Variants in AMY2B observed in about 807,000 individuals in gnomAD.
AMY2B encodes alpha-amylase 2B.
Under a neutral mutation model 59.3 loss-of-function variants are expected in AMY2B, and 63 were observed. That is an observed-to-expected ratio of 1.06 (90% CI 0.87 to 1.31). AMY2B has a LOEUF of 1.31. Among genes scored for constraint, AMY2B ranks in the 50% most tolerant of loss-of-function variants. The pLI, the probability that AMY2B is intolerant of heterozygous loss-of-function variation, is 0.00. For missense variants in AMY2B, 635 were observed against 626.7 expected (o/e 1.01, Z -0.14); for synonymous variants, 180 against 198.1 (o/e 0.91, Z 0.77).
chr1:103,562,766 A>C (rs945578390), intron 1 of AMY2B, among the ~76,000 whole-genome samples: 2 of 151,614 alleles, frequency 1.3e-5, no homozygotes, highest in African/African-American at 4.8e-5. Context: ...GATAGGGGGA[A>C]AGAACTTGTA....
At chr1:103,569,786 T>C (rs536273798), upstream of AMY2B, 35 of 444,084 alleles carry the variant, frequency 7.9e-5, no homozygotes, top group South Asian at 6.4e-4. Context: ...CATGACCAAC[T>C]GGGATGACAT....
At chr1:103,575,734 A>G (rs1258759337) in intron 7 of AMY2B, 194 bp downstream of exon 7, 5 of 857,548 alleles carry the variant, frequency 5.8e-6, no homozygotes, top group Non-Finnish European at 8.5e-6. Context: ...AAGAGTATGC[A>G]AGCCTTTTCA....
chr1:103,566,992 A>G (rs1363666529), upstream of AMY2B, among the ~76,000 whole-genome samples: 2 of 152,214 alleles, frequency 1.3e-5, no homozygotes, highest in African/African-American at 4.8e-5. Context: ...AATACTAGAT[A>G]TGAAGTCTAA....
chr1:103,570,658 A>G (rs1652092127), upstream of AMY2B: 2 of 586,708 alleles, frequency 3.4e-6, no homozygotes, highest in South Asian at 2.8e-5. Context: ...TCCATCGTCC[A>G]CCGCAAATGC....
At chr1:103,557,386 C>T (rs1474945155) in intron 1 of AMY2B, among the ~76,000 whole-genome samples, 1 of 152,044 alleles carries the variant, frequency 6.6e-6, no homozygotes, top group Non-Finnish European at 1.5e-5. Flanking sequence ...TGCAGTGGCT[C>T]ACGGCTGTAA....
rs142643546 is a variant in AMY2B, at chr1:103,573,658, T to G, written c.514-50T>G. ...AAATGAATAATCAAATGGATTCTCA[T>G]GTGAAAAATGAGGTTTTATGAATCA... On this transcript the variant is annotated intron_variant, in intron 3 of 9. Coordinates refer to ENST00000684275, the MANE Select transcript of AMY2B (RefSeq NM_001387437.1). The G allele has an allele frequency of 1.6e-5, 25 of 1,607,626 alleles. No individual in the cohort carries two copies. The African/African-American group carries it at 1.9e-4, about 12-fold the overall frequency.
upstream of AMY2B, chr1:103,569,656 C>G: frequency 2.6e-6 from 1 of 387,722 alleles, no homozygotes; most frequent in Non-Finnish European, 5.2e-6. Context: ...CTTCCATCAT[C>G]GGTGCCCCCG....
At chr1:103,577,381 T>A in intron 7 of AMY2B, 109 bp from the exon 8 acceptor site, 19 of 1,576,248 alleles carry the variant, frequency 1.2e-5, no homozygotes, top group Non-Finnish European at 1.6e-5. Context: ...CTAGATAAAG[T>A]CATTGAATGC....
chr1:103,577,694 C>G, intron 8 of AMY2B, 26 bp from the exon 9 acceptor site: 1 of 1,611,746 alleles, frequency 6.2e-7, no homozygotes, highest in Non-Finnish European at 8.5e-7. Context: ...AGAATATCAA[C>G]GTTTTATATG....
intron 9 of AMY2B, among the ~76,000 whole-genome samples, chr1:103,578,819 T>TA (rs923451056): frequency 6.8e-5 from 10 of 147,012 alleles, no homozygotes; most frequent in African/African-American, 1.3e-4. Context: ...TAAAACCCTT[T>TA]AAAAATTTTT....
intron 1 of AMY2B, among the ~76,000 whole-genome samples, chr1:103,562,849 T>G (rs1310692600): frequency 6.6e-6 from 1 of 152,058 alleles, no homozygotes; most frequent in Admixed American, 6.6e-5. Flanking sequence ...TACTTTCTGC[T>G]TAACAATAGA....
intron 1 of AMY2B, among the ~76,000 whole-genome samples, chr1:103,558,412 G>C (rs1326140063): frequency 6.6e-5 from 10 of 152,044 alleles, no homozygotes. Flanking sequence ...ATTTCCATTA[G>C]GATGTAGAAA....
chr1:103,579,385 A>G lies in AMY2B; in HGVS notation c.1421A>G (p.Asn474Ser). 6.2e-7 allele frequency: 1 copy of G among 1,611,828 alleles called. No homozygotes were observed. The highest frequency in any genetic ancestry group is 2.3e-4 in the Middle Eastern group (1 of 4,426). The change falls in exon 10 of 10, where the codon AAT becomes AGT. Residue 474 changes from asparagine to serine, a missense_variant. Asn to Ser is a conservative substitution (Grantham distance 46). Transcript: ENST00000684275. ...YCDVISGDKINGNCTGIKIYV... is the reference protein window; with the variant it reads ...YCDVISGDKISGNCTGIKIYV... ...GATGTCATTTCTGGAGATAAAATTAATGGCAATTGCACAGGCATTAAAATC... is the reference window on the plus strand; with the variant it reads ...GATGTCATTTCTGGAGATAAAATTAGTGGCAATTGCACAGGCATTAAAATC...
chr1:103,571,849 T>C, intron 1 of AMY2B, 79 bp downstream of exon 1: 2 of 1,610,870 alleles, frequency 1.2e-6, no homozygotes, highest in Non-Finnish European at 1.7e-6. Flanking sequence ...CCGTGAAGCT[T>C]AGGCAACATT....
At chr1:103,558,389 C>T (rs746112730) in intron 1 of AMY2B, among the ~76,000 whole-genome samples, 1 of 152,068 alleles carries the variant, frequency 6.6e-6, no homozygotes, top group Non-Finnish European at 1.5e-5. Flanking sequence ...TCCTTAAGCT[C>T]TTTGATTTTC....
At position 103,573,227 on chromosome 1, in the gene AMY2B, T is replaced by G; in HGVS notation, c.480T>G (p.Ser160Arg). The G allele has an allele frequency of 2.5e-6, 4 of 1,613,684 alleles. No homozygotes were observed. Among genetic ancestry groups the G allele is most frequent in the Non-Finnish European group, 3.4e-6 (4 of 1,179,650 alleles). Residue 160 changes from serine (S) to arginine (R), a missense_variant, in exon 3 of 10, where the codon AGT becomes AGG. Ser to Arg is a moderately radical substitution (Grantham distance 110, BLOSUM62 -1). Transcript: ENST00000684275. ...ATGATGGTAAATGTAAAACTGGAAG[T>G]GGAGATATCGAGAACTACAATGATG... The part of the protein sequence containing the change: ...DFNDGKCKTG[S>R]GDIENYNDAT...
intron 1 of AMY2B, among the ~76,000 whole-genome samples, chr1:103,557,033 GAGTTCTCATCCCAAGTACTTA>G (rs1651574805): frequency 6.6e-6 from 1 of 152,050 alleles, no homozygotes; most frequent in South Asian, 2.1e-4. Context: ...AAGAAGAATA[GAGTTCTCATCCCAAGTACTTA>G]AGCTGCAAAA....
In AMY2B at chr1:103,572,180, T is replaced by A. The variant is rs554203877; in HGVS notation, c.239T>A (p.Val80Asp). The change falls in exon 2 of 10, where the codon GTT becomes GAT. Residue 80 changes from valine (V) to aspartate (D), a missense_variant. By Grantham distance (152) the Val-to-Asp change is radical. Transcript: ENST00000684275. ...CCTTGGTGGGAAAGATACCAACCAG[T>A]TAGCTATAAATTATGCACAAGATCT... Reference protein sequence around the residue: ...FRPWWERYQPVSYKLCTRSGN... With the variant: ...FRPWWERYQPDSYKLCTRSGN... The A allele has an allele frequency of 6.2e-6, 10 of 1,611,676 alleles. No homozygotes were observed. In the African/African-American group the frequency reaches 1.2e-4, roughly 19 times the overall value.
chr1:103,558,372 C>T (rs1249211477), intron 1 of AMY2B, among the ~76,000 whole-genome samples: 1 of 152,108 alleles, frequency 6.6e-6, no homozygotes, highest in Admixed American at 6.5e-5. Context: ...GATACAGCCA[C>T]AACATTTCCT....
Sources: allele counts gnomAD v4.1 joint callset (sites outside exome capture counted in the v4.1 genomes callset), GRCh38; gene constraint gnomAD v4.1.1; transcripts MANE v1.5; gene names NCBI Gene and HGNC (gene_info 2026-07-23, HGNC 2026-07-21).